MAGI2: variants seen among roughly 807,000 people sequenced by gnomAD.
MAGI2 encodes membrane-associated guanylate kinase, WW and PDZ domain-containing protein 2.
Under a neutral mutation model 133.3 loss-of-function variants are expected in MAGI2, and 35 were observed. The ratio of observed to expected loss-of-function variants is 0.26; its 90% confidence interval spans 0.20 to 0.35. The LOEUF (loss-of-function observed/expected upper bound fraction) is 0.35. Ranked by LOEUF, MAGI2 falls within the 10% of genes least tolerant of loss-of-function variation. The probability of loss-of-function intolerance (pLI) is 1.00; values close to 1 mark genes in which losing one functional copy is unlikely to be tolerated. For missense variants in MAGI2, 1,636 were observed against 1,863.4 expected (o/e 0.88, Z 2.25); for synonymous variants, 729 against 710.6 (o/e 1.03, Z -0.41).
At chr7:78,140,823 A>G (rs1359258104) in intron 16 of MAGI2, among the ~76,000 whole-genome samples, 1 of 152,250 alleles carries the variant, frequency 6.6e-6, no homozygotes, top group African/African-American at 2.4e-5. Flanking sequence ...GGGGAAGGCA[A>G]TAATAAAGCC....
chr7:78,270,149 T>G (rs75653468), intron 9 of MAGI2, among the ~76,000 whole-genome samples: 8 of 152,184 alleles, frequency 5.3e-5, no homozygotes, highest in African/African-American at 9.7e-5. Context: ...ACCAGTACCA[T>G]GCTGTTTGTG....
intron 2 of MAGI2, among the ~76,000 whole-genome samples, chr7:78,643,882 AC>A (rs1176809611): frequency 1.8e-4 from 27 of 152,136 alleles, no homozygotes; most frequent in African/African-American, 6.5e-4. Context: ...CCCCACACAC[AC>A]TATTGAAAAA....
intron 1 of MAGI2, among the ~76,000 whole-genome samples, chr7:79,218,413 C>T (rs1830197183): frequency 6.6e-6 from 1 of 152,012 alleles, no homozygotes; most frequent in African/African-American, 2.4e-5. Context: ...ATGAACTCTG[C>T]CACTCTTTAG....
chr7:78,138,486 T>A (rs1294989092), intron 16 of MAGI2, among the ~76,000 whole-genome samples: 1 of 152,206 alleles, frequency 6.6e-6, no homozygotes, highest in South Asian at 2.1e-4. Flanking sequence ...TGAAATGAAA[T>A]TTAAAAACGT....
At chr7:78,411,444 G>T (rs182926039) in intron 6 of MAGI2, among the ~76,000 whole-genome samples, 1 of 151,926 alleles carries the variant, frequency 6.6e-6, no homozygotes, top group South Asian at 2.1e-4. Context: ...AATGGTTGTC[G>T]TATACCAACA....
Position 79,087,838 on chromosome 7 carries a change from A to C in MAGI2, c.302-80632T>G, listed in dbSNP as rs570468302. Among the ~76,000 whole-genome samples, 125 of 151,898 alleles carry C rather than the reference A, an allele frequency of 8.2e-4. 1 individual carries two copies. The Middle Eastern group carries it at 0.031, about 37-fold the overall frequency. On this transcript the variant is annotated intron_variant, in intron 1 of 21. Transcript: ENST00000354212. ...TGGTGTTATTTCTGAGGCCTCTGTT[A>C]TGTTCCATTGGTCTATATATCTGTT...
chr7:79,182,489 C>A (rs905116012), intron 1 of MAGI2, among the ~76,000 whole-genome samples: 4 of 151,968 alleles, frequency 2.6e-5, no homozygotes, highest in African/African-American at 7.3e-5. Flanking sequence ...GGGTACCTCC[C>A]ACAACATGTG....
chr7:78,512,507 G>A (rs1160927014), intron 4 of MAGI2, among the ~76,000 whole-genome samples: 1 of 152,198 alleles, frequency 6.6e-6, no homozygotes, highest in African/African-American at 2.4e-5. Flanking sequence ...CCGGGTTCAA[G>A]CGATTCTCTT....
intron 2 of MAGI2, among the ~76,000 whole-genome samples, chr7:78,737,363 T>C (rs1563432646): frequency 6.6e-6 from 1 of 152,216 alleles, no homozygotes; most frequent in Non-Finnish European, 1.5e-5. Flanking sequence ...AAATGCAAGA[T>C]ACACCATTGG....
intron 9 of MAGI2, among the ~76,000 whole-genome samples, chr7:78,270,320 G>GA (rs1014181874): frequency 4.6e-5 from 7 of 152,166 alleles, no homozygotes; most frequent in African/African-American, 1.7e-4. Flanking sequence ...ATGGTAGCTT[G>GA]ATGGGGATAG....
chr7:79,229,381 C>G (rs140005695), intron 1 of MAGI2, among the ~76,000 whole-genome samples: 1 of 152,216 alleles, frequency 6.6e-6, no homozygotes, highest in East Asian at 1.9e-4. Flanking sequence ...ATAAGGAATA[C>G]AGCCTTTGGG....
intron 2 of MAGI2, among the ~76,000 whole-genome samples, chr7:78,997,675 A>G (rs1806447121): frequency 6.6e-6 from 1 of 151,746 alleles, no homozygotes; most frequent in Non-Finnish European, 1.5e-5. Context: ...ATCACATATC[A>G]GTCTTACCTT....
intron 1 of MAGI2, among the ~76,000 whole-genome samples, chr7:79,030,601 T>C (rs1320854915): frequency 6.6e-6 from 1 of 152,156 alleles, no homozygotes. Flanking sequence ...ACATAGCAGG[T>C]GTTTAAGTAG....
chr7:78,838,779 A>G (rs1791878761), intron 2 of MAGI2, among the ~76,000 whole-genome samples: 2 of 152,112 alleles, frequency 1.3e-5, no homozygotes, highest in Non-Finnish European at 2.9e-5. Context: ...AATAGAATCA[A>G]TTAAATAGTT....
At chr7:78,732,195 A>G (rs1452492732) in intron 2 of MAGI2, among the ~76,000 whole-genome samples, 1 of 152,164 alleles carries the variant, frequency 6.6e-6, no homozygotes, top group Admixed American at 6.5e-5. Flanking sequence ...AGGTGGGTCA[A>G]TGATAAAAGA....
intron 20 of MAGI2, among the ~76,000 whole-genome samples, chr7:78,109,313 A>C (rs1454757286): frequency 7.8e-5 from 9 of 115,184 alleles, no homozygotes; most frequent in African/African-American, 1.2e-4. Context: ...CAAAAAAAAA[A>C]AAAAAAAAAA....
intron 6 of MAGI2, among the ~76,000 whole-genome samples, chr7:78,431,210 G>A (rs930581975): frequency 6.6e-6 from 1 of 151,876 alleles, no homozygotes; most frequent in African/African-American, 2.4e-5. Context: ...ACTTCATTTA[G>A]GAAAATATGT....
At chr7:78,214,439 C>G (rs1344653313) in intron 10 of MAGI2, among the ~76,000 whole-genome samples, 1 of 152,128 alleles carries the variant, frequency 6.6e-6, no homozygotes, top group African/African-American at 2.4e-5. Context: ...CTGATACTAT[C>G]TTTTTGATGT....
At chr7:78,474,433 C>T (rs1164011755) in intron 6 of MAGI2, among the ~76,000 whole-genome samples, 3 of 152,112 alleles carry the variant, frequency 2.0e-5, no homozygotes, top group African/African-American at 7.2e-5. Context: ...CCATGCTGCA[C>T]AAAGAGCTAA....
Sources: gnomAD v4.1 joint callset for allele counts (sites outside exome capture counted in the v4.1 genomes callset) on GRCh38, gnomAD v4.1.1 for gene constraint, MANE v1.5 for transcripts, NCBI Gene and HGNC (gene_info 2026-07-23, HGNC 2026-07-21) for gene names.